The following FBXL2 variants were observed in gnomAD, a reference collection of about 807,000 sequenced individuals.
The protein encoded by FBXL2 is F-box/LRR-repeat protein 2.
Under a neutral mutation model 69.2 loss-of-function variants are expected in FBXL2, and 38 were observed. That is an observed-to-expected ratio of 0.55 (90% CI 0.42 to 0.72). The LOEUF is 0.72. FBXL2 is among the 30% of genes least tolerant of loss of function. FBXL2 has a pLI of 0.00. For missense variants in FBXL2, 354 were observed against 520.3 expected (o/e 0.68, Z 3.11); for synonymous variants, 192 against 201.3 (o/e 0.95, Z 0.39).
the FBXL2 span, among the ~76,000 whole-genome samples, chr3:33,415,239 C>A: frequency 6.6e-6 from 1 of 152,204 alleles, no homozygotes; most frequent in Non-Finnish European, 1.5e-5. Flanking sequence ...CAGCTTGTCT[C>A]CACTGATAAA....
chr3:33,278,788 T>A (rs2033629566), intron 1 of FBXL2, among the ~76,000 whole-genome samples: 2 of 152,216 alleles, frequency 1.3e-5, no homozygotes, highest in Non-Finnish European at 2.9e-5. Context: ...GACAAATTAA[T>A]GGAGCTGGCA....
At chr3:33,361,588 A>C (rs892083939) in intron 4 of FBXL2, among the ~76,000 whole-genome samples, 8 of 152,226 alleles carry the variant, frequency 5.3e-5, no homozygotes, top group Admixed American at 1.3e-4. Flanking sequence ...ATTTGATTAC[A>C]AGATTTTAGC....
chr3:33,376,048 C>T (rs552606415), intron 10 of FBXL2, among the ~76,000 whole-genome samples: 35 of 151,710 alleles, frequency 2.3e-4, no homozygotes, highest in African/African-American at 8.2e-4. Context: ...TCCAGCTACT[C>T]GGAATGCTGA....
intron 2 of FBXL2, among the ~76,000 whole-genome samples, chr3:33,351,098 T>C (rs1390793010): frequency 6.6e-6 from 1 of 151,928 alleles, no homozygotes; most frequent in East Asian, 1.9e-4. Context: ...AAACCCTATC[T>C]CTACCAAAAA....
intron 2 of FBXL2, among the ~76,000 whole-genome samples, chr3:33,357,085 C>G (rs992710760): frequency 2.0e-5 from 3 of 152,172 alleles, no homozygotes; most frequent in African/African-American, 7.2e-5. Flanking sequence ...AGTAATAGCA[C>G]AACACCTCAT....
chr3:33,347,094 C>T (rs980257351), intron 2 of FBXL2, among the ~76,000 whole-genome samples: 1 of 152,030 alleles, frequency 6.6e-6, no homozygotes, highest in Non-Finnish European at 1.5e-5. Flanking sequence ...ATTAACCATC[C>T]CTATGTCCCC....
Position 33,386,747 on chromosome 3 carries a change from C to T in FBXL2, c.*1139C>T, listed in dbSNP as rs2043461917. On this transcript the variant is annotated 3_prime_UTR_variant, in exon 15 of 15. Transcript: ENST00000484457. Reference sequence around the variant, plus strand: ...TGAAATCTGATAAAATGACCCTACTCTCTGCTGTGGTTCATTCTTGCTCCA... The same window carrying T: ...TGAAATCTGATAAAATGACCCTACTTTCTGCTGTGGTTCATTCTTGCTCCA... 6.6e-6 allele frequency: 1 copy of T among 152,168 alleles called. No individual in the cohort carries two copies. Among genetic ancestry groups the T allele is most frequent in the Non-Finnish European group, 1.5e-5 (1 of 68,030 alleles). 9.4% of individuals were successfully genotyped at this position (152,168 alleles called of 1,614,324 possible). A position where few individuals can be genotyped will look rare whatever the true frequency, so the allele number is the denominator to read the frequency against.
chr3:33,407,660 C>T (rs1302749408), downstream of FBXL2, among the ~76,000 whole-genome samples: 4 of 151,506 alleles, frequency 2.6e-5, no homozygotes, highest in Admixed American at 6.6e-5. Flanking sequence ...CATTTTTATT[C>T]GATACTATAA....
At chr3:33,339,418 G>A (rs2039842841) in intron 2 of FBXL2, among the ~76,000 whole-genome samples, 1 of 152,172 alleles carries the variant, frequency 6.6e-6, no homozygotes, top group South Asian at 2.1e-4. Flanking sequence ...GGTTGCAGCT[G>A]GAGGCCATTA....
chr3:33,346,228 CAAAAAAA>C (rs759750386), intron 2 of FBXL2, among the ~76,000 whole-genome samples: 60 of 151,354 alleles, frequency 4.0e-4, no homozygotes, highest in Non-Finnish European at 7.5e-4. Flanking sequence ...CTCCATCTCA[CAAAAAAA>C]TAAAAAATAA....
At chr3:33,278,637 C>T (rs968036817) in intron 1 of FBXL2, among the ~76,000 whole-genome samples, 1 of 152,114 alleles carries the variant, frequency 6.6e-6, no homozygotes, top group African/African-American at 2.4e-5. Context: ...GATGGTGTCT[C>T]TCATTGACTC....
At chr3:33,293,759 C>T (rs897125264) in intron 1 of FBXL2, among the ~76,000 whole-genome samples, 8 of 152,174 alleles carry the variant, frequency 5.3e-5, no homozygotes, top group Middle Eastern at 6.8e-3. Context: ...TCATGTCATT[C>T]ACCACTAACC....
Position 33,397,236 on chromosome 3 carries a change from C to A in FBXL2, n.1215-5998C>A, listed in dbSNP as rs2044035929. ...GCAGTCCAATGTCCTTCAAAATAAT[C>A]AGATATCCTGAATACACACATACAC... is the stretch of plus-strand genomic sequence containing the variant. On this transcript the variant is annotated intron_variant and non_coding_transcript_variant, in intron 12 of 12. Transcript: ENST00000463736. 1.6e-5 allele frequency: 13 copies of A among 829,782 alleles called. No homozygotes were observed. In the South Asian group the frequency reaches 2.5e-4, roughly 16 times the overall value. The allele number at this position is 829,782 out of a possible 1,614,324, so 51.4% of individuals were successfully genotyped here. A position where few individuals can be genotyped will look rare whatever the true frequency, so the allele number is the denominator to read the frequency against.
chr3:33,420,303 G>A, the FBXL2 span, among the ~76,000 whole-genome samples: 1 of 152,008 alleles, frequency 6.6e-6, no homozygotes. Context: ...TGTTTCTAGG[G>A]ACTTATAGCT....
intron 1 of FBXL2, among the ~76,000 whole-genome samples, chr3:33,282,765 C>A (rs556974172): frequency 1.4e-4 from 22 of 152,274 alleles, no homozygotes; most frequent in African/African-American, 5.3e-4. Flanking sequence ...TCCTTCACAT[C>A]CCTTGTAAGT....
At chr3:33,422,407 A>AG in the FBXL2 span, among the ~76,000 whole-genome samples, 2 of 151,984 alleles carry the variant, frequency 1.3e-5, no homozygotes, top group South Asian at 4.2e-4. Flanking sequence ...AAAGAAAAGA[A>AG]GGGAGGAGGG....
At chr3:33,328,801 A>T (rs1026031204) in intron 2 of FBXL2, among the ~76,000 whole-genome samples, 1 of 146,782 alleles carries the variant, frequency 6.8e-6, no homozygotes, top group Non-Finnish European at 1.5e-5. Flanking sequence ...GTGTGTGTGC[A>T]TGTGTGTGTG....
intron 13 of FBXL2, among the ~76,000 whole-genome samples, chr3:33,381,932 C>T (rs1361238539): frequency 6.6e-6 from 1 of 152,206 alleles, no homozygotes; most frequent in Non-Finnish European, 1.5e-5. Flanking sequence ...ATCTTTAAAG[C>T]ATCAAGGTCC....
At chr3:33,411,816 G>A in the FBXL2 span, 4 of 708,326 alleles carry the variant, frequency 5.6e-6, no homozygotes, top group African/African-American at 7.2e-5. Flanking sequence ...TGGTCTCCAT[G>A]ATCAACTTCT....
Sources: allele counts gnomAD v4.1 joint callset (sites outside exome capture counted in the v4.1 genomes callset), GRCh38; gene constraint gnomAD v4.1.1; transcripts MANE v1.5; gene names NCBI Gene and HGNC (gene_info 2026-07-23, HGNC 2026-07-21).